Variants in DHX57 observed in about 807,000 individuals in gnomAD.
DHX57 encodes the protein putative ATP-dependent RNA helicase DHX57.
Under a neutral mutation model 156.2 loss-of-function variants are expected in DHX57, and 105 were observed. The observed-to-expected ratio is 0.67, with a 90% CI of 0.57 to 0.79. The LOEUF (loss-of-function observed/expected upper bound fraction) is 0.79. Among genes scored for constraint, DHX57 ranks in the 30% least tolerant of loss-of-function variants. The probability of loss-of-function intolerance (pLI) is 0.00; values close to 1 mark genes in which losing one functional copy is unlikely to be tolerated. For missense variants in DHX57, 1,847 were observed against 1,661.9 expected (o/e 1.11, Z -1.94); for synonymous variants, 704 against 595.6 (o/e 1.18, Z -2.65).
At chr2:38,867,869 T>G (rs981818102) in intron 2 of DHX57, among the ~76,000 whole-genome samples, 5 of 152,224 alleles carry the variant, frequency 3.3e-5, no homozygotes, top group African/African-American at 1.2e-4. Context: ...TGTTCAATGT[T>G]AACATCATCA....
intron 13 of DHX57, among the ~76,000 whole-genome samples, chr2:38,830,904 G>C (rs779360093): frequency 6.6e-6 from 1 of 151,918 alleles, no homozygotes; most frequent in Non-Finnish European, 1.5e-5. Flanking sequence ...AACCAGTCTG[G>C]GCAACACAAG....
chr2:38,802,825 A>G lies in DHX57; in HGVS notation c.3907T>C (p.Tyr1303His). 1 of 1,614,180 alleles carries G rather than the reference A, an allele frequency of 6.2e-7. No individual in the cohort carries two copies. The highest frequency in any genetic ancestry group is 2.2e-5 in the East Asian group (1 of 44,882). Reference sequence around the variant, plus strand: ...CCTCCTCCAAACAAGACCAGCGGGTACACAGACACCATGCTGCAGTCTCGG... The same window carrying G: ...CCTCCTCCAAACAAGACCAGCGGGTGCACAGACACCATGCTGCAGTCTCGG... ...FIRDCSMVSV[Y>H]PLVLFGGGQV... The change falls in exon 23 of 24, where the codon TAC becomes CAC. Residue 1303 changes from tyrosine to histidine, a missense_variant. By Grantham distance (83) the Tyr-to-His change is moderately conservative. Coordinates refer to ENST00000457308, the MANE Select transcript of DHX57 (RefSeq NM_198963.3).
chr2:38,869,905 A>G (rs1665274682), intron 1 of DHX57, among the ~76,000 whole-genome samples: 2 of 152,252 alleles, frequency 1.3e-5, no homozygotes, highest in South Asian at 4.1e-4. Flanking sequence ...AATAGTCATT[A>G]TAAGTATGTT....
chr2:38,856,204 C>G, intron 7 of DHX57, 136 bp downstream of exon 7: 1 of 1,236,622 alleles, frequency 8.1e-7, no homozygotes, highest in African/African-American at 1.5e-5. Flanking sequence ...GATTTTTTTG[C>G]CTTATGTCTC....
Position 38,813,843 on chromosome 2 carries a change from G to A in DHX57, c.3659C>T (p.Ala1220Val), listed in dbSNP as rs746909137. The A allele has an allele frequency of 1.2e-6, 2 of 1,613,660 alleles. No homozygotes were observed. Among genetic ancestry groups the A allele is most frequent in the East Asian group, 4.5e-5 (2 of 44,864 alleles). ...TACCTGCACTACATTTGGATACAAA[G>A]CAGCACACAGCATTGCTGATATCAG... Reference protein sequence around the residue: ...PKLISAMLCAALYPNVVQVKS... With the variant: ...PKLISAMLCAVLYPNVVQVKS... The change falls in exon 21 of 24, where the codon GCT (alanine) becomes GTT (valine). Residue 1220 changes from alanine to valine, a missense_variant. Physicochemically the swap from Ala to Val is moderately conservative, Grantham distance 64. Coordinates refer to ENST00000457308, the MANE Select transcript of DHX57 (RefSeq NM_198963.3).
At chr2:38,814,322 T>C (rs1979143) in intron 20 of DHX57, among the ~76,000 whole-genome samples, 36,585 of 152,172 alleles carry the variant, frequency 0.24, 4,604 homozygotes, top group Admixed American at 0.28. Context: ...AAAGAGCACC[T>C]AATTTCTATC....
intron 23 of DHX57, among the ~76,000 whole-genome samples, chr2:38,801,024 TATTAAG>T (rs1290351060): frequency 1.3e-5 from 2 of 152,200 alleles, no homozygotes; most frequent in Non-Finnish European, 2.9e-5. Context: ...AAATAAAATA[TATTAAG>T]ATTAATTTCA....
intron 1 of DHX57, among the ~76,000 whole-genome samples, chr2:38,874,355 T>G (rs1665495092): frequency 6.6e-6 from 1 of 150,862 alleles, no homozygotes; most frequent in Admixed American, 6.6e-5. Context: ...CCTCCCAAAG[T>G]GCTGAGATTA....
At chr2:38,801,107 T>A (rs1446058711) in intron 23 of DHX57, among the ~76,000 whole-genome samples, 1 of 152,236 alleles carries the variant, frequency 6.6e-6, no homozygotes. Flanking sequence ...TGGGTCACAT[T>A]ATATTTCTGT....
chr2:38,851,759 T>C (rs113842656), intron 9 of DHX57, among the ~76,000 whole-genome samples: 11 of 152,340 alleles, frequency 7.2e-5, no homozygotes, highest in African/African-American at 2.4e-4. Flanking sequence ...ATACTGGATA[T>C]AGGTTTCCCT....
chr2:38,829,257 A>C (rs1207541286), intron 13 of DHX57, among the ~76,000 whole-genome samples: 2 of 143,618 alleles, frequency 1.4e-5, no homozygotes, highest in Non-Finnish European at 1.5e-5. Context: ...TAAGCTCTAT[A>C]AATAAACTTT....
chr2:38,836,141 C>A (rs1671644039), intron 13 of DHX57, among the ~76,000 whole-genome samples: 1 of 152,152 alleles, frequency 6.6e-6, no homozygotes, highest in Admixed American at 6.5e-5. Flanking sequence ...TGATAGAGCA[C>A]TGAAACCAAA....
chr2:38,853,878 T>C, intron 9 of DHX57, 176 bp downstream of exon 9: 2 of 523,964 alleles, frequency 3.8e-6, no homozygotes, highest in East Asian at 6.8e-5. Context: ...CTGTCCTTTT[T>C]AGTGTTACAG....
intron 13 of DHX57, among the ~76,000 whole-genome samples, chr2:38,835,157 G>A (rs931072844): frequency 2.0e-5 from 3 of 152,134 alleles, no homozygotes; most frequent in African/African-American, 7.2e-5. Context: ...GAGGAGAAAT[G>A]TATCTGCCTG....
At position 38,798,364 on chromosome 2, in the gene DHX57, G is replaced by T; in HGVS notation, c.4096C>A (p.Leu1366Met). The T allele has an allele frequency of 6.2e-7, 1 of 1,614,098 alleles. No individual in the cohort carries two copies. Among genetic ancestry groups the T allele is most frequent in the Non-Finnish European group, 8.5e-7 (1 of 1,180,012 alleles). The change falls in exon 24 of 24, where the codon CTG becomes ATG. Residue 1366 changes from leucine (L) to methionine (M), a missense_variant. By Grantham distance (15) the Leu-to-Met change is conservative (BLOSUM62 2). Transcript: ENST00000457308. ...QDKIKNPSID[L>M]CTCPRGSRII... is the part of the protein sequence containing the mutation. ...CGGGATCCTCGAGGACACGTACACAGATCAATGCTTGGGTTTTTAATTTTA... is the reference window on the plus strand; with the variant it reads ...CGGGATCCTCGAGGACACGTACACATATCAATGCTTGGGTTTTTAATTTTA...
Position 38,802,697 on chromosome 2 carries a change from G to T in DHX57, c.4017+18C>A. On this transcript the variant is annotated intron_variant, in intron 23 of 23. Coordinates refer to ENST00000457308, the MANE Select transcript of DHX57 (RefSeq NM_198963.3). ...CTCATGGCCTGAGCCTCATAAAACA[G>T]ACCAATTCTGCCTTTACCTGATGGG... The T allele has an allele frequency of 1.2e-6, 2 of 1,613,446 alleles. No individual in the cohort carries two copies. The highest frequency in any genetic ancestry group is 1.1e-5 in the South Asian group (1 of 91,056).
chr2:38,860,959 T>C, intron 5 of DHX57, 40 bp downstream of exon 5: 5 of 1,559,716 alleles, frequency 3.2e-6, no homozygotes, highest in Non-Finnish European at 3.5e-6. Flanking sequence ...AAACCCATCA[T>C]TCTGAATGCC....
chr2:38,846,894 G>C (rs1672315806), intron 11 of DHX57, 125 bp downstream of exon 11: 2 of 585,964 alleles, frequency 3.4e-6, no homozygotes, highest in African/African-American at 3.9e-5. Context: ...CCAATATGTT[G>C]CCCAAGCTGG....
intron 9 of DHX57, among the ~76,000 whole-genome samples, chr2:38,849,692 C>T (rs576282238): frequency 2.6e-5 from 4 of 152,312 alleles, no homozygotes; most frequent in Non-Finnish European, 5.9e-5. Flanking sequence ...CCCGTTCATT[C>T]ACTCAGCACC....
Sources: allele counts gnomAD v4.1 joint callset (sites outside exome capture counted in the v4.1 genomes callset), GRCh38; gene constraint gnomAD v4.1.1; transcripts MANE v1.5; gene names NCBI Gene and HGNC (gene_info 2026-07-23, HGNC 2026-07-21).